SOX6: variants seen among roughly 807,000 people sequenced by gnomAD.
SOX6 encodes SRY-box transcription factor 6.
A neutral mutation model predicts 97.8 loss-of-function variants in SOX6; 11 were observed. The ratio of observed to expected loss-of-function variants is 0.11; its 90% CI spans 0.07 to 0.19. SOX6 has a LOEUF of 0.19. SOX6 is among the 10% of genes least tolerant of loss of function. The pLI, the probability that SOX6 is intolerant of heterozygous loss-of-function variation, is 1.00. For synonymous variants in SOX6, 360 were observed against 371.4 expected (o/e 0.97, Z 0.35); for missense variants, 810 against 1,039.5 (o/e 0.78, Z 3.04).
intron 9 of SOX6, among the ~76,000 whole-genome samples, chr11:16,058,328 G>GT (rs201817890): frequency 0.024 from 3,641 of 151,966 alleles, 144 homozygotes; most frequent in African/African-American, 0.083. Flanking sequence ...ATTTGGGTTT[G>GT]TTTTTAATGT....
At chr11:16,631,970 G>A (rs960557845) in intron 3 of SOX6, among the ~76,000 whole-genome samples, 39 of 152,040 alleles carry the variant, frequency 2.6e-4, no homozygotes, top group African/African-American at 8.5e-4. Context: ...CTCTTCCTTC[G>A]TTTCTAGGAT....
At chr11:16,289,225 ACAAGATGACCTATTAGGGAAT>A (rs1371673388) in intron 3 of SOX6, among the ~76,000 whole-genome samples, 2 of 152,000 alleles carry the variant, frequency 1.3e-5, no homozygotes, top group African/African-American at 2.4e-5. Context: ...ACAGTTTTAA[ACAAGATGACCTATTAGGGAAT>A]AAAATTAACA....
rs1853337475 is a variant in SOX6 at position 15,972,192 on chromosome 11, A to G, written c.*617T>C. 6.5e-6 allele frequency: 1 copy of G among 152,848 alleles called. No homozygotes were observed. Among genetic ancestry groups the G allele is most frequent in the Non-Finnish European group, 1.5e-5 (1 of 68,180 alleles). The allele number at this position is 152,848 out of a possible 1,614,324, so 9.5% of individuals were successfully genotyped here. ...TGCCAAAGATTGTCTAAGACTTTGC[A>G]GTGTCTCCTTTAAGACTTTCAAAAT... is the stretch of plus-strand genomic sequence containing the variant. On this transcript the variant is annotated 3_prime_UTR_variant, in exon 16 of 16. Coordinates refer to ENST00000683767, the MANE Select transcript of SOX6 (RefSeq NM_001367873.1).
At chr11:16,245,918 C>T (rs747284974) in intron 3 of SOX6, among the ~76,000 whole-genome samples, 16 of 151,196 alleles carry the variant, frequency 1.1e-4, no homozygotes, top group Non-Finnish European at 2.2e-4. Flanking sequence ...TATAATTAGT[C>T]CATTTAGATT....
At chr11:16,093,973 T>C (rs189381046) in intron 9 of SOX6, among the ~76,000 whole-genome samples, 1 of 152,002 alleles carries the variant, frequency 6.6e-6, no homozygotes, top group East Asian at 1.9e-4. Flanking sequence ...GTCGATCTTT[T>C]CTAACCAGAG....
At chr11:16,440,728 C>T (rs904456493) in intron 1 of SOX6, among the ~76,000 whole-genome samples, 1 of 152,064 alleles carries the variant, frequency 6.6e-6, no homozygotes, top group East Asian at 1.9e-4. Flanking sequence ...TACTGTTTCT[C>T]TATTTGTCTT....
chr11:16,243,457 C>T (rs1374578912), intron 3 of SOX6, among the ~76,000 whole-genome samples: 1 of 151,814 alleles, frequency 6.6e-6, no homozygotes, highest in South Asian at 2.1e-4. Flanking sequence ...CCTTGATATA[C>T]ATAAAAAGAT....
chr11:16,336,735 C>T (rs1856472018), intron 2 of SOX6, among the ~76,000 whole-genome samples: 1 of 152,120 alleles, frequency 6.6e-6, no homozygotes, highest in African/African-American at 2.4e-5. Context: ...TCCATAATAT[C>T]TGTAATCTGT....
intron 3 of SOX6, among the ~76,000 whole-genome samples, chr11:16,684,974 G>A (rs181708305): frequency 8.9e-4 from 135 of 152,086 alleles, no homozygotes; most frequent in Admixed American, 3.9e-3. Context: ...CAAGAGGTGC[G>A]TAAGGTGCCA....
intron 1 of SOX6, among the ~76,000 whole-genome samples, chr11:16,426,296 A>G (rs1428387415): frequency 1.6e-5 from 2 of 128,526 alleles, no homozygotes; most frequent in African/African-American, 2.9e-5. Context: ...AAAAAAAAAA[A>G]CCACTATTTT....
chr11:16,115,188 T>C (rs1849316906), intron 6 of SOX6, among the ~76,000 whole-genome samples: 1 of 152,082 alleles, frequency 6.6e-6, no homozygotes, highest in Non-Finnish European at 1.5e-5. Flanking sequence ...GACAGAAACA[T>C]AGAGTTGGAA....
rs1857527139 is a variant in SOX6 at position 16,372,835 on chromosome 11, A to G, written c.-4-31583T>C. ...CTGGAACTGAAAGATCCTTAGAAAA[A>G]AAGTAAAATTAAGGTTCTGATATAA... On this transcript the variant is annotated intron_variant, in intron 1 of 15. Transcript: ENST00000396356. Among the ~76,000 whole-genome samples, 3 of 152,118 alleles carry G rather than the reference A, an allele frequency of 2.0e-5. No homozygotes were observed. In the South Asian group the frequency reaches 6.2e-4, roughly 31 times the overall value.
In SOX6 at chr11:16,319,557, C is replaced by T. The variant is rs150679465; in HGVS notation, c.238-904G>A. ...GTGTGTGATGTTCCCCTTCTTGTGT[C>T]CAAGTGTTCCCACCTACGAGTGATA... is the stretch of plus-strand genomic sequence containing the variant. On this transcript the variant is annotated intron_variant, in intron 2 of 15. Transcript: ENST00000683767. Among the ~76,000 whole-genome samples, 121 of 147,254 alleles carry T rather than the reference C, an allele frequency of 8.2e-4. 1 individual carries two copies. Among genetic ancestry groups the T allele is most frequent in the Middle Eastern group, 6.9e-3 (2 of 288 alleles).
chr11:16,569,868 C>CAAAAAAAAAAAAAGAAAAAAA (rs1847918439), intron 4 of SOX6, among the ~76,000 whole-genome samples: 1 of 84,816 alleles, frequency 1.2e-5, no homozygotes, highest in Non-Finnish European at 2.1e-5. Flanking sequence ...GACTCCGTCT[C>CAAAAAAAAAAAAAGAAAAAAA]AAAAAAAAAA....
At position 16,426,292 on chromosome 11, in the gene SOX6, A is replaced by C. The variant is rs1470159659; in HGVS notation, c.-5+50023T>G. 9.1e-4 allele frequency among the ~76,000 whole-genome samples: 87 copies of C among 95,622 alleles called. 1 individual carries two copies. Among genetic ancestry groups the C allele is most frequent in the African/African-American group, 3.4e-3 (81 of 23,896 alleles). 62.7% of individuals were successfully genotyped at this position (95,622 alleles called of 152,430 possible). ...AAAAAAAAAAAAAAAAAAAAAAAAAAAAAACCACTATTTTAAAATTCATAT... is the reference window on the plus strand; with the variant it reads ...AAAAAAAAAAAAAAAAAAAAAAAAACAAAACCACTATTTTAAAATTCATAT... On this transcript the variant is annotated intron_variant, in intron 1 of 15. Coordinates refer to the SOX6 transcript ENST00000396356.
At chr11:16,364,252 A>C (rs1332479892) in intron 1 of SOX6, among the ~76,000 whole-genome samples, 1 of 152,122 alleles carries the variant, frequency 6.6e-6, no homozygotes, top group Non-Finnish European at 1.5e-5. Context: ...AAGAATAACT[A>C]TCCTAACATT....
At chr11:16,165,559 C>G (rs376357005) in intron 6 of SOX6, among the ~76,000 whole-genome samples, 4 of 152,180 alleles carry the variant, frequency 2.6e-5, no homozygotes, top group East Asian at 1.9e-4. Flanking sequence ...AACTACATAG[C>G]ATTACTGATT....
chr11:16,190,335 G>A (rs1252789766), intron 4 of SOX6, among the ~76,000 whole-genome samples: 6 of 152,060 alleles, frequency 3.9e-5, no homozygotes, highest in Non-Finnish European at 8.8e-5. Flanking sequence ...GTCAACCCCC[G>A]CTATCTATAG....
chr11:16,201,686 T>C (rs893905051), intron 4 of SOX6, among the ~76,000 whole-genome samples: 1 of 127,690 alleles, frequency 7.8e-6, no homozygotes, highest in Non-Finnish European at 1.5e-5. Context: ...CAGGCTGGAG[T>C]GCAGTGGCGG....
Sources: allele counts gnomAD v4.1 joint callset (sites outside exome capture counted in the v4.1 genomes callset), GRCh38; gene constraint gnomAD v4.1.1; transcripts MANE v1.5; gene names NCBI Gene and HGNC (gene_info 2026-07-23, HGNC 2026-07-21).